LRBA: variants seen among roughly 807,000 people sequenced by gnomAD.
The protein encoded by LRBA is LPS responsive beige-like anchor protein.
In LRBA, 176 loss-of-function variants were observed where a neutral mutation model predicts 330.0. The observed-to-expected ratio is 0.53, with a 90% CI of 0.47 to 0.60. LRBA has a LOEUF of 0.60. Ranked by LOEUF, LRBA falls within the 20% of genes least tolerant of loss-of-function variation. LRBA has a pLI of 0.00. For synonymous variants in LRBA, 1,230 were observed against 1,193.0 expected, an observed-to-expected ratio of 1.03 and a Z score of -0.64; for missense variants, 3,259 against 3,444.8, an observed-to-expected ratio of 0.95 and a Z score of 1.35.
At chr4:150,944,578 AAAAAATAGTTC>A (rs1736042226) in intron 2 of LRBA, among the ~76,000 whole-genome samples, 2 of 152,242 alleles carry the variant, frequency 1.3e-5, no homozygotes, top group Non-Finnish European at 2.9e-5. Flanking sequence ...AATGAGAAAA[AAAAAATAGTTC>A]ATATGGCAAG....
chr4:150,289,184 T>C (rs1431232941), intron 53 of LRBA, among the ~76,000 whole-genome samples: 1 of 152,228 alleles, frequency 6.6e-6, no homozygotes, highest in African/African-American at 2.4e-5. Flanking sequence ...ATTATTTTTT[T>C]TGTAAACTCG....
At chr4:150,474,413 T>C in intron 42 of LRBA, among the ~76,000 whole-genome samples, 1 of 152,196 alleles carries the variant, frequency 6.6e-6, no homozygotes, top group Non-Finnish European at 1.5e-5. Context: ...TTTTGATAAC[T>C]GTGGCTCTAC....
At chr4:150,431,111 G>A (rs568676729) in intron 46 of LRBA, among the ~76,000 whole-genome samples, 1 of 152,190 alleles carries the variant, frequency 6.6e-6, no homozygotes, top group East Asian at 1.9e-4. Context: ...CATAAAATTT[G>A]GTCATAATAA....
intron 2 of LRBA, among the ~76,000 whole-genome samples, chr4:151,000,829 T>C (rs774466089): frequency 4.6e-5 from 7 of 152,052 alleles, no homozygotes; most frequent in East Asian, 1.9e-4. Flanking sequence ...TGGAATTCAA[T>C]AGAAAAATGA....
At chr4:150,435,552 C>G in intron 46 of LRBA, 37 bp downstream of exon 46, 1 of 1,578,274 alleles carries the variant, frequency 6.3e-7, no homozygotes, top group Non-Finnish European at 8.6e-7. Flanking sequence ...AAGTAATGCA[C>G]TGGCAATAAC....
chr4:150,792,708 T>C (rs1415232061), intron 34 of LRBA, among the ~76,000 whole-genome samples: 2 of 152,170 alleles, frequency 1.3e-5, no homozygotes, highest in African/African-American at 2.4e-5. Context: ...GGTCTTGCTA[T>C]GTTGCCCAGG....
At chr4:150,590,199 C>T (rs924703633) in intron 39 of LRBA, among the ~76,000 whole-genome samples, 2 of 152,014 alleles carry the variant, frequency 1.3e-5, no homozygotes, top group East Asian at 3.9e-4. Context: ...TGAGAATCTG[C>T]AGAGTGCAAA....
chr4:150,921,988 G>A (rs533364659), intron 4 of LRBA, among the ~76,000 whole-genome samples: 2 of 152,230 alleles, frequency 1.3e-5, no homozygotes, highest in South Asian at 2.1e-4. Flanking sequence ...CTCCCAAAGT[G>A]GTGGGATTAC....
intron 4 of LRBA, among the ~76,000 whole-genome samples, chr4:150,923,795 G>A (rs990432416): frequency 1.3e-5 from 2 of 151,946 alleles, no homozygotes; most frequent in African/African-American, 4.8e-5. Flanking sequence ...TTCAAAACAG[G>A]GTCAAACTAC....
chr4:150,504,154 T>C (rs1195814855), intron 40 of LRBA, among the ~76,000 whole-genome samples: 2 of 152,198 alleles, frequency 1.3e-5, no homozygotes, highest in African/African-American at 2.4e-5. Flanking sequence ...TGGAACCAAG[T>C]TGGAAAACAC....
intron 56 of LRBA, 126 bp from the exon 57 acceptor site, chr4:150,265,938 A>C: frequency 1.5e-6 from 1 of 654,244 alleles, no homozygotes; most frequent in Non-Finnish European, 2.8e-6. Flanking sequence ...AATTTGTGGG[A>C]ACTAAGGTAT....
At chr4:150,424,022 G>A (rs537238415) in intron 46 of LRBA, among the ~76,000 whole-genome samples, 2 of 152,278 alleles carry the variant, frequency 1.3e-5, no homozygotes, top group Non-Finnish European at 2.9e-5. Context: ...CGCTAACACA[G>A]AACTCATCAA....
In LRBA at chr4:150,844,147, G is replaced by A. The variant is rs1578971328; in HGVS notation, c.4522C>T (p.Gln1508Ter). 2 of 1,611,766 alleles carry A rather than the reference G, an allele frequency of 1.2e-6. No individual in the cohort carries two copies. The highest frequency in any genetic ancestry group is 1.7e-6 in the Non-Finnish European group (2 of 1,178,556). Reference sequence around the variant, plus strand: ...CTAAGCCGATTAATATCCATGTCCTGTAGAAGCCTGTCAAGATCTCTTACT... The same window carrying A: ...CTAAGCCGATTAATATCCATGTCCTATAGAAGCCTGTCAAGATCTCTTACT... ...SPVRDLDRLL[Q>*]DMDINRLRAV... Residue 1508 changes from glutamine to a stop codon, truncating the protein, a stop_gained, in exon 28 of 57, where the codon CAG (glutamine) becomes TAG (stop). Transcript: ENST00000651943. LOFTEE classifies it high-confidence loss of function.
intron 47 of LRBA, among the ~76,000 whole-genome samples, chr4:150,400,183 T>C (rs1353809657): frequency 6.6e-6 from 1 of 152,220 alleles, no homozygotes; most frequent in Non-Finnish European, 1.5e-5. Context: ...CAAGTCATGT[T>C]GTAAAGCTGG....
chr4:150,858,361 C>T (rs1421826394), intron 22 of LRBA, among the ~76,000 whole-genome samples: 1 of 151,354 alleles, frequency 6.6e-6, no homozygotes, highest in South Asian at 2.1e-4. Flanking sequence ...AGCACAGCAA[C>T]AGTCTGTCTC....
In LRBA at chr4:150,868,222, CAGAA is replaced by C; in HGVS notation, c.2529_2532del (p.Ser844ThrfsTer2). ...CTGTTATTAAAAAGTTTAATCATGT[CAGAA>C]AGAAAGGCTCTGCGAACCTCCATGC... On this transcript the variant is annotated frameshift_variant, in exon 21 of 57. Transcript: ENST00000651943. LOFTEE classifies it high-confidence loss of function. The C allele has an allele frequency of 1.2e-6, 2 of 1,612,730 alleles. No individual in the cohort carries two copies. The highest frequency in any genetic ancestry group is 8.5e-7 in the Non-Finnish European group (1 of 1,179,106).
In LRBA at chr4:150,265,570, C is replaced by CAA; in HGVS notation, c.*150_*151dup. On this transcript the variant is annotated 3_prime_UTR_variant, in exon 57 of 57. Coordinates refer to ENST00000651943, the MANE Select transcript of LRBA (RefSeq NM_001364905.1). ...GCTAATCCCCCCCAAAAAAGTCAAG[C>CAA]AAAGACTACAAAAATAGCAATTATT... 1 of 573,288 alleles carries CAA rather than the reference C, an allele frequency of 1.7e-6. No individual in the cohort carries two copies. The highest frequency in any genetic ancestry group is 3.2e-6 in the Non-Finnish European group (1 of 314,540). 35.5% of individuals were successfully genotyped at this position (573,288 alleles called of 1,614,324 possible).
At chr4:150,339,879 T>C (rs1665176459) in intron 48 of LRBA, among the ~76,000 whole-genome samples, 2 of 150,230 alleles carry the variant, frequency 1.3e-5, no homozygotes, top group South Asian at 2.1e-4. Context: ...ATAATACGGT[T>C]TGGCTGCGTC....
intron 17 of LRBA, among the ~76,000 whole-genome samples, chr4:150,892,532 C>A (rs1729578691): frequency 6.6e-6 from 1 of 152,178 alleles, no homozygotes; most frequent in African/African-American, 2.4e-5. Flanking sequence ...AAACACCAAC[C>A]CGACTGGCAT....
Sources: gnomAD v4.1 joint callset for allele counts (sites outside exome capture counted in the v4.1 genomes callset) on GRCh38, gnomAD v4.1.1 for gene constraint, MANE v1.5 for transcripts, NCBI Gene and HGNC (gene_info 2026-07-23, HGNC 2026-07-21) for gene names.